The following CDH4 variants were observed in gnomAD, a reference collection of about 807,000 sequenced individuals.
CDH4 encodes cadherin 4, also known as cadherin-4.
A neutral mutation model predicts 86.0 loss-of-function variants in CDH4; 33 were observed. The observed-to-expected ratio is 0.38, with a 90% CI of 0.29 to 0.51. The LOEUF (loss-of-function observed/expected upper bound fraction) is 0.51. Among genes scored for constraint, CDH4 ranks in the 20% least tolerant of loss-of-function variants. The probability of loss-of-function intolerance (pLI) is 0.86; values close to 1 mark genes in which losing one functional copy is unlikely to be tolerated. For missense variants in CDH4, 1,114 were observed against 1,307.4 expected (o/e 0.85, Z 2.28); for synonymous variants, 555 against 549.4 (o/e 1.01, Z -0.14).
intron 4 of CDH4, among the ~76,000 whole-genome samples, chr20:61,830,283 G>A (rs1202850936): frequency 6.6e-6 from 1 of 152,062 alleles, no homozygotes; most frequent in African/African-American, 2.4e-5. Flanking sequence ...CACATCCTGG[G>A]GCTCAGCGTC....
intron 5 of CDH4, among the ~76,000 whole-genome samples, chr20:61,845,830 G>A (rs917130861): frequency 1.3e-5 from 2 of 152,224 alleles, no homozygotes; most frequent in Admixed American, 6.5e-5. Context: ...TTCCACCTTC[G>A]CTTGGCTTCA....
At chr20:61,383,106 T>TTA (rs1302657337) in intron 2 of CDH4, among the ~76,000 whole-genome samples, 1 of 94,450 alleles carries the variant, frequency 1.1e-5, no homozygotes, top group African/African-American at 4.7e-5. Context: ...TATGAATATA[T>TTA]TATATATAGA....
At chr20:61,314,415 G>C (rs568303721) in intron 2 of CDH4, among the ~76,000 whole-genome samples, 1 of 152,150 alleles carries the variant, frequency 6.6e-6, no homozygotes, top group African/African-American at 2.4e-5. Context: ...GTGTCCTCCA[G>C]TTTCATCCAT....
At chr20:61,342,190 G>A (rs550728269) in intron 2 of CDH4, among the ~76,000 whole-genome samples, 14 of 152,304 alleles carry the variant, frequency 9.2e-5, no homozygotes, top group South Asian at 6.2e-4. Context: ...CCACGGACCC[G>A]TTTCATGGAA....
At chr20:61,531,646 C>T (rs895742509) in intron 2 of CDH4, among the ~76,000 whole-genome samples, 9 of 152,150 alleles carry the variant, frequency 5.9e-5, no homozygotes, top group African/African-American at 2.2e-4. Flanking sequence ...ATTCACGGAC[C>T]ATCCCTGGGG....
At chr20:61,398,397 C>T (rs2145476221) in intron 2 of CDH4, among the ~76,000 whole-genome samples, 1 of 152,276 alleles carries the variant, frequency 6.6e-6, no homozygotes, top group South Asian at 2.1e-4. Context: ...AGGCAGGGCT[C>T]CCCAGGGAAG....
chr20:61,431,515 A>T (rs936741334), intron 2 of CDH4, among the ~76,000 whole-genome samples: 1 of 151,676 alleles, frequency 6.6e-6, no homozygotes, highest in African/African-American at 2.4e-5. Context: ...GCATGCCACC[A>T]CGCCTGGGTA....
intron 2 of CDH4, among the ~76,000 whole-genome samples, chr20:61,523,483 C>A (rs1420951501): frequency 6.6e-6 from 1 of 152,250 alleles, no homozygotes; most frequent in Non-Finnish European, 1.5e-5. Flanking sequence ...ACGTGCTCTT[C>A]CAAAACCTTC....
At chr20:61,889,871 A>G (rs1170986498) in intron 7 of CDH4, among the ~76,000 whole-genome samples, 1 of 145,496 alleles carries the variant, frequency 6.9e-6, no homozygotes, top group East Asian at 2.3e-4. Flanking sequence ...GGATAGATGG[A>G]TGGTGGATGG....
chr20:61,912,783 G>C (rs2054863838), intron 9 of CDH4, among the ~76,000 whole-genome samples: 1 of 152,202 alleles, frequency 6.6e-6, no homozygotes, highest in Non-Finnish European at 1.5e-5. Context: ...CAGTGGCAAA[G>C]TCAGATCTGT....
chr20:61,897,787 G>A (rs551494115), intron 8 of CDH4, among the ~76,000 whole-genome samples: 1 of 152,352 alleles, frequency 6.6e-6, no homozygotes, highest in South Asian at 2.1e-4. Context: ...GTTCCAGGGG[G>A]CCTCAGGCAG....
At chr20:61,474,551 A>G (rs543026845) in intron 2 of CDH4, among the ~76,000 whole-genome samples, 147 of 152,120 alleles carry the variant, frequency 9.7e-4, no homozygotes, top group Non-Finnish European at 1.8e-3. Context: ...TCATTGATTC[A>G]TGTGGGCTTG....
chr20:61,930,855 G>GATGA (rs1366734155), intron 13 of CDH4, among the ~76,000 whole-genome samples: 1 of 152,240 alleles, frequency 6.6e-6, no homozygotes, highest in East Asian at 1.9e-4. Context: ...TCTCACCGAT[G>GATGA]TCCCCTGCTC....
rs533758657 is a variant in CDH4 at position 61,713,641 on chromosome 20, G to A, written c.170-29922G>A. Among the ~76,000 whole-genome samples, 412 of 152,350 alleles carry A rather than the reference G, an allele frequency of 2.7e-3. 1 individual carries two copies. Among genetic ancestry groups the A allele is most frequent in the African/African-American group, 9.5e-3 (394 of 41,576 alleles). On this transcript the variant is annotated intron_variant, in intron 2 of 15. Transcript: ENST00000614565. ...AAGGACAGTCTGTGCTCCCACGCCA[G>A]CGCTGAGTGAGGCCCTGGGGCAAGG...
chr20:61,505,120 G>A (rs982762142), intron 2 of CDH4, among the ~76,000 whole-genome samples: 15 of 152,178 alleles, frequency 9.9e-5, no homozygotes, highest in African/African-American at 3.1e-4. Flanking sequence ...CTCATGTCTG[G>A]GAAGGGAGGT....
intron 8 of CDH4, among the ~76,000 whole-genome samples, chr20:61,903,540 TAAAAAA>T (rs60370683): frequency 2.2e-5 from 2 of 90,886 alleles, no homozygotes; most frequent in Admixed American, 1.4e-4. Context: ...AGAGACTCCA[TAAAAAA>T]AAAAAAAAAA....
At chr20:61,596,071 G>A (rs958097212) in intron 2 of CDH4, among the ~76,000 whole-genome samples, 1 of 152,212 alleles carries the variant, frequency 6.6e-6, no homozygotes, top group Admixed American at 6.5e-5. Context: ...GACAGTGCCG[G>A]GACCAACTGT....
At chr20:61,488,098 C>T (rs762784424) in intron 2 of CDH4, among the ~76,000 whole-genome samples, 6 of 152,166 alleles carry the variant, frequency 3.9e-5, no homozygotes, top group Admixed American at 1.3e-4. Flanking sequence ...TCTTGTATGA[C>T]GCCAATGATC....
At chr20:61,873,961 C>G in intron 7 of CDH4, 61 bp downstream of exon 7, 1 of 1,572,470 alleles carries the variant, frequency 6.4e-7, no homozygotes, top group Non-Finnish European at 8.7e-7. Context: ...AGGACACCCA[C>G]AGGACCCTCG....
Sources: gnomAD v4.1 joint callset for allele counts (sites outside exome capture counted in the v4.1 genomes callset) on GRCh38, gnomAD v4.1.1 for gene constraint, MANE v1.5 for transcripts, NCBI Gene and HGNC (gene_info 2026-07-23, HGNC 2026-07-21) for gene names.